The following ALDH1A2 variants were observed in gnomAD, a reference collection of about 807,000 sequenced individuals.
The protein encoded by ALDH1A2 is aldehyde dehydrogenase 1 family member A2, also known as retinal dehydrogenase 2.
In ALDH1A2, 27 loss-of-function variants were observed where a neutral mutation model predicts 60.3. The observed-to-expected ratio is 0.45, with a 90% CI of 0.33 to 0.62. ALDH1A2 has a LOEUF of 0.62. ALDH1A2 is among the 20% of genes least tolerant of loss of function. The pLI is 0.02. For synonymous variants in ALDH1A2, 289 were observed against 232.4 expected (o/e 1.24, Z -2.21); for missense variants, 581 against 643.8 (o/e 0.90, Z 1.06).
intron 4 of ALDH1A2, among the ~76,000 whole-genome samples, chr15:58,007,434 T>A (rs1378059563): frequency 6.6e-6 from 1 of 151,974 alleles, no homozygotes; most frequent in East Asian, 1.9e-4. Flanking sequence ...CCAATCTCCA[T>A]AAGAAGAGAA....
At chr15:57,955,751 TC>T (rs3832978) in intron 12 of ALDH1A2, among the ~76,000 whole-genome samples, 4 of 128,008 alleles carry the variant, frequency 3.1e-5, no homozygotes, top group Admixed American at 7.4e-5. Context: ...TGTGCTTTCC[TC>T]CCCCAAGACG....
intron 7 of ALDH1A2, among the ~76,000 whole-genome samples, chr15:57,971,286 A>G (rs1181194540): frequency 6.6e-6 from 1 of 152,166 alleles, no homozygotes; most frequent in Non-Finnish European, 1.5e-5. Flanking sequence ...TCCTCTGAGA[A>G]GGTAGCTTTC....
chr15:58,056,767 G>A (rs1043207591), intron 1 of ALDH1A2, among the ~76,000 whole-genome samples: 13 of 151,832 alleles, frequency 8.6e-5, no homozygotes, highest in Admixed American at 4.6e-4. Flanking sequence ...AAAACCAAAC[G>A]GCCAACATGA....
chr15:57,993,012 G>A lies in ALDH1A2; in HGVS notation c.617C>T (p.Thr206Ile). 1.2e-6 allele frequency: 2 copies of A among 1,613,728 alleles called. No homozygotes were observed. The highest frequency in any genetic ancestry group is 1.1e-5 in the South Asian group (1 of 91,076). The part of the protein sequence containing the change: ...KIAPALCCGN[T>I]VVIKPAEQTP... ...TTGCTCTGCTGGCTTAATAACTACT[G>A]TATTGCCACAGCACAAAGCTGGAGC... Residue 206 changes from threonine to isoleucine, a missense_variant, in exon 6 of 13, where the codon ACA becomes ATA. By Grantham distance (89) the Thr-to-Ile change is moderately conservative (BLOSUM62 -1). Coordinates refer to ENST00000249750, the MANE Select transcript of ALDH1A2 (RefSeq NM_003888.4).
At chr15:58,007,021 T>C (rs1895481761) in intron 4 of ALDH1A2, among the ~76,000 whole-genome samples, 1 of 151,890 alleles carries the variant, frequency 6.6e-6, no homozygotes, top group East Asian at 1.9e-4. Context: ...TAATGTGCCT[T>C]ACAGAGAAAA....
intron 1 of ALDH1A2, among the ~76,000 whole-genome samples, chr15:58,062,636 A>G (rs751804090): frequency 6.6e-6 from 1 of 152,166 alleles, no homozygotes; most frequent in Non-Finnish European, 1.5e-5. Flanking sequence ...CTTGGTACCA[A>G]ATTGGTCCCC....
chr15:58,060,466 T>TAA (rs1211019925), intron 1 of ALDH1A2, among the ~76,000 whole-genome samples: 2,528 of 126,650 alleles, frequency 0.02, 32 homozygotes, highest in Middle Eastern at 0.038. Flanking sequence ...CACATATCTT[T>TAA]TTTTTTTTTT....
chr15:58,054,590 C>A (rs1896851083), intron 1 of ALDH1A2, among the ~76,000 whole-genome samples: 2 of 152,084 alleles, frequency 1.3e-5, no homozygotes, highest in Non-Finnish European at 1.5e-5. Context: ...CTCTTTCTGG[C>A]AAGCATCTCT....
chr15:57,988,116 T>C (rs1403434195), intron 7 of ALDH1A2, among the ~76,000 whole-genome samples: 4 of 152,092 alleles, frequency 2.6e-5, no homozygotes, highest in African/African-American at 4.8e-5. Context: ...AAAAAACAAA[T>C]TTTAAAACAA....
At position 58,042,142 on chromosome 15, in the gene ALDH1A2, CT is replaced by C. The variant is rs1470516081; in HGVS notation, c.117+23391del. 1.3e-5 allele frequency among the ~76,000 whole-genome samples: 2 copies of C among 151,928 alleles called. 1 individual carries two copies. Among genetic ancestry groups the C allele is most frequent in the African/African-American group, 4.8e-5 (2 of 41,410 alleles). ...TACCAATTTCTAAACATGACATGAACTTTTGTGAGTCAGGATATTTGAACAT... is the reference window on the plus strand; with the variant it reads ...TACCAATTTCTAAACATGACATGAACTTTGTGAGTCAGGATATTTGAACAT... On this transcript the variant is annotated intron_variant, in intron 1 of 12. Transcript: ENST00000249750.
intron 4 of ALDH1A2, among the ~76,000 whole-genome samples, chr15:58,001,878 T>G (rs1353777537): frequency 2.0e-5 from 3 of 151,870 alleles, no homozygotes; most frequent in Admixed American, 2.0e-4. Flanking sequence ...CAGAAAATGT[T>G]CTGGATACCA....
chr15:57,964,327 C>T (rs1385443457), intron 8 of ALDH1A2: 1 of 486,844 alleles, frequency 2.1e-6, no homozygotes, highest in Admixed American at 3.3e-5. Flanking sequence ...ACAGGAGTCT[C>T]AAACCCCTAT....
At chr15:58,049,642 C>T (rs1250581556) in intron 1 of ALDH1A2, among the ~76,000 whole-genome samples, 2 of 151,884 alleles carry the variant, frequency 1.3e-5, no homozygotes, top group Admixed American at 1.3e-4. Context: ...ATGGTGAAGG[C>T]CATCCAACAC....
chr15:58,022,959 T>C (rs1475362786), intron 1 of ALDH1A2, among the ~76,000 whole-genome samples: 2 of 152,330 alleles, frequency 1.3e-5, no homozygotes, highest in African/African-American at 2.4e-5. Context: ...CGAAGAAATA[T>C]GACACCTCCA....
chr15:58,006,420 G>A (rs556640054), intron 4 of ALDH1A2, among the ~76,000 whole-genome samples: 5 of 151,964 alleles, frequency 3.3e-5, no homozygotes, highest in Admixed American at 6.6e-5. Context: ...GTTGGCTGAC[G>A]TGCAGTTAGG....
rs67551670 is a variant in ALDH1A2 at position 57,958,214 on chromosome 15, G to GCGCA, written c.1484+2555_1484+2556insTGCG. On this transcript the variant is annotated intron_variant, in intron 12 of 12. Coordinates refer to ENST00000249750, the MANE Select transcript of ALDH1A2 (RefSeq NM_003888.4). ...TCTGTATGCATGCGTGTACACGCAC[G>GCGCA]CACACACACACATAAATTTGACAAG... Among the ~76,000 whole-genome samples the GCGCA allele has an allele frequency of 1.1e-3, 161 of 151,818 alleles. 1 individual carries two copies. The highest frequency in any genetic ancestry group is 2.9e-3 in the African/African-American group (119 of 41,438).
intron 7 of ALDH1A2, among the ~76,000 whole-genome samples, chr15:57,973,961 C>T (rs1396330709): frequency 6.6e-6 from 1 of 150,748 alleles, no homozygotes; most frequent in African/African-American, 2.4e-5. Flanking sequence ...ATTCTCCCTT[C>T]TCTCTCTCTC....
chr15:57,953,845 G>GGATT lies in ALDH1A2; in HGVS notation c.*1348_*1351dup, dbSNP rs1281571475. The GGATT allele has an allele frequency of 6.6e-6, 1 of 152,388 alleles. No individual in the cohort carries two copies. The highest frequency in any genetic ancestry group is 2.4e-5 in the African/African-American group (1 of 41,470). 9.4% of individuals were successfully genotyped at this position (152,388 alleles called of 1,614,324 possible). A position where few individuals can be genotyped will look rare whatever the true frequency, so the allele number is the denominator to read the frequency against. Reference sequence around the variant, plus strand: ...ATGATCTGCATTTAGGTTAGAGACTGGATTGGATTTGACAGCTGGAAAGAT... The same window carrying GGATT: ...ATGATCTGCATTTAGGTTAGAGACTGGATTGATTGGATTTGACAGCTGGAAAGAT... On this transcript the variant is annotated 3_prime_UTR_variant, in exon 13 of 13. Transcript: ENST00000249750.
At chr15:58,024,610 G>A (rs1027486525) in intron 1 of ALDH1A2, among the ~76,000 whole-genome samples, 2 of 151,986 alleles carry the variant, frequency 1.3e-5, no homozygotes, top group African/African-American at 4.8e-5. Flanking sequence ...TACAATAGTG[G>A]GGGACTTCAA....
Sources: gnomAD v4.1 joint callset for allele counts (sites outside exome capture counted in the v4.1 genomes callset) on GRCh38, gnomAD v4.1.1 for gene constraint, MANE v1.5 for transcripts, NCBI Gene and HGNC (gene_info 2026-07-23, HGNC 2026-07-21) for gene names.